The following SMYD4 variants were observed in gnomAD, a reference collection of about 807,000 sequenced individuals.
SMYD4 encodes SET and MYND domain containing 4.
In SMYD4, 68 loss-of-function variants were observed where a neutral mutation model predicts 72.8. The ratio of observed to expected loss-of-function variants is 0.93; its 90% CI spans 0.77 to 1.14. SMYD4 has a LOEUF of 1.14. SMYD4 is among the 50% of genes most tolerant of loss of function. The pLI is 0.00. For synonymous variants in SMYD4, 407 were observed against 388.6 expected (o/e 1.05, Z -0.56); for missense variants, 984 against 1,003.7 (o/e 0.98, Z 0.27).
At chr17:1,787,801 G>A (rs1361765899) in intron 5 of SMYD4, among the ~76,000 whole-genome samples, 197 bp from the exon 6 acceptor site, 1 of 152,106 alleles carries the variant, frequency 6.6e-6, no homozygotes, top group Non-Finnish European at 1.5e-5. Flanking sequence ...GTGGATGAAC[G>A]CACACAAAGT....
chr17:1,800,339 A>AG lies in SMYD4; in HGVS notation c.1054dup (p.Leu352ProfsTer10). The AG allele has an allele frequency of 1.2e-6, 2 of 1,614,192 alleles. No homozygotes were observed. Among genetic ancestry groups the AG allele is most frequent in the Non-Finnish European group, 1.7e-6 (2 of 1,180,030 alleles). ...AAATCCCACCAAAAGAGTCAACCTC[A>AG]GGGCAATGTGGCAAAAGACACCCAG... On this transcript the variant is annotated frameshift_variant, in exon 5 of 11. Transcript: ENST00000305513. LOFTEE classifies it high-confidence loss of function.
In SMYD4 at chr17:1,822,568, A is replaced by T. The variant is rs117220055; in HGVS notation, c.134+5293T>A. Among the ~76,000 whole-genome samples the T allele has an allele frequency of 2.2e-3, 342 of 152,272 alleles. 1 individual carries two copies. The highest frequency in any genetic ancestry group is 3.7e-3 in the Non-Finnish European group (251 of 68,016). ...AAGCTCTCCAATTCATTCTGAGGCT[A>T]CCATAACCCACCATGGTATCAGCTG... On this transcript the variant is annotated intron_variant, in intron 2 of 10. Transcript: ENST00000305513.
rs1180453381 is a variant in SMYD4 at position 1,800,999 on chromosome 17, G to C, written c.395C>G (p.Ala132Gly). The change falls in exon 5 of 11, where the codon GCA (alanine) becomes GGA (glycine). Residue 132 changes from alanine (A) to glycine (G), a missense_variant. Transcript: ENST00000305513. ...YETCLKDINR[A>G]QTHGYPERLQ... is the part of the protein sequence containing the mutation. ...CCTTTCTGGATACCCATGTGTCTGTGCTCTGTTAATGTCTTTAAGACACGT... is the reference window on the plus strand; with the variant it reads ...CCTTTCTGGATACCCATGTGTCTGTCCTCTGTTAATGTCTTTAAGACACGT... 1.9e-6 allele frequency: 3 copies of C among 1,612,316 alleles called. No homozygotes were observed. Among genetic ancestry groups the C allele is most frequent in the Non-Finnish European group, 2.5e-6 (3 of 1,178,568 alleles).
intron 5 of SMYD4, among the ~76,000 whole-genome samples, chr17:1,792,837 G>T (rs777993914): frequency 3.3e-5 from 5 of 152,104 alleles, no homozygotes; most frequent in Non-Finnish European, 7.4e-5. Context: ...TCACTTAAGT[G>T]TACGATTCAG....
At chr17:1,795,069 G>C (rs1478389695) in intron 5 of SMYD4, among the ~76,000 whole-genome samples, 1 of 152,138 alleles carries the variant, frequency 6.6e-6, no homozygotes, top group Non-Finnish European at 1.5e-5. Context: ...AAGTGAGACT[G>C]GTCTCTAGCT....
chr17:1,800,729 C>A lies in SMYD4; in HGVS notation c.665G>T (p.Arg222Met), dbSNP rs1909690024. 5.0e-6 allele frequency: 8 copies of A among 1,614,116 alleles called. No homozygotes were observed. Among genetic ancestry groups the A allele is most frequent in the African/African-American group, 1.3e-5 (1 of 74,946 alleles). Residue 222 changes from arginine to methionine, a missense_variant, in exon 5 of 11, where the codon AGG (arginine) becomes ATG (methionine). Arg to Met is a moderately conservative substitution (Grantham distance 91, BLOSUM62 -1). Transcript: ENST00000305513. Reference protein sequence around the residue: ...LAKTLEDAALREENEQLSNAS... With the variant: ...LAKTLEDAALMEENEQLSNAS... ...ATTGGAAAGTTGTTCATTCTCCTCC[C>A]TCAGCGCTGCATCCTCAAGGGTTTT...
At chr17:1,819,092 C>T (rs1910770789) in intron 2 of SMYD4, among the ~76,000 whole-genome samples, 1 of 151,990 alleles carries the variant, frequency 6.6e-6, no homozygotes, top group African/African-American at 2.4e-5. Context: ...TGTGGTGGCT[C>T]ACACCTGTAA....
chr17:1,796,675 T>G (rs542537450), intron 5 of SMYD4, among the ~76,000 whole-genome samples: 3 of 152,076 alleles, frequency 2.0e-5, no homozygotes, highest in East Asian at 3.9e-4. Flanking sequence ...GACCTCGAGA[T>G]CCGCCCGCCT....
At chr17:1,784,594 C>T (rs1337641746) in intron 7 of SMYD4, 133 bp from the exon 8 acceptor site, 9 of 1,474,762 alleles carry the variant, frequency 6.1e-6, no homozygotes, top group Middle Eastern at 5.0e-4. Flanking sequence ...TACATCGTGA[C>T]GAAAGTCTGA....
intron 5 of SMYD4, among the ~76,000 whole-genome samples, chr17:1,792,735 C>T (rs1311614398): frequency 6.6e-6 from 1 of 152,182 alleles, no homozygotes; most frequent in African/African-American, 2.4e-5. Context: ...AGAGAGTGAC[C>T]GTTTTTACTT....
chr17:1,786,668 T>TG, intron 7 of SMYD4, 142 bp downstream of exon 7: 1 of 903,754 alleles, frequency 1.1e-6, no homozygotes, highest in East Asian at 2.6e-5. Context: ...AACTAGTGTA[T>TG]GGGGATGACT....
In SMYD4 at chr17:1,780,988, C is replaced by T. The variant is rs958693039; in HGVS notation, c.*298G>A. On this transcript the variant is annotated 3_prime_UTR_variant, in exon 11 of 11. Coordinates refer to ENST00000305513, the MANE Select transcript of SMYD4 (RefSeq NM_052928.3). ...GGGCTGGAGTGCAGTGGAGCGATCT[C>T]GGCTCACTGCAACCTCCGCCTCCTG... 6.2e-5 allele frequency: 14 copies of T among 224,354 alleles called. No homozygotes were observed. The highest frequency in any genetic ancestry group is 9.7e-5 in the Non-Finnish European group (11 of 113,454). 13.9% of individuals were successfully genotyped at this position (224,354 alleles called of 1,614,324 possible). A position where few individuals can be genotyped will look rare whatever the true frequency, so the allele number is the denominator to read the frequency against.
chr17:1,805,698 G>C (rs1909993457), intron 3 of SMYD4, among the ~76,000 whole-genome samples: 1 of 151,748 alleles, frequency 6.6e-6, no homozygotes, highest in Admixed American at 6.6e-5. Context: ...TGTAATCCCA[G>C]TTACTCGGGT....
At chr17:1,824,422 C>T (rs1911052591) in intron 2 of SMYD4, among the ~76,000 whole-genome samples, 1 of 152,016 alleles carries the variant, frequency 6.6e-6, no homozygotes, top group Non-Finnish European at 1.5e-5. Flanking sequence ...GATCTAGAGC[C>T]TAGAAACAAA....
intron 2 of SMYD4, among the ~76,000 whole-genome samples, chr17:1,821,840 A>T (rs7502036): frequency 0.65 from 97,678 of 150,802 alleles, 33,312 homozygotes; most frequent in Non-Finnish European, 0.79. Flanking sequence ...CTGAGGCATG[A>T]GAATCGCTTG....
intron 6 of SMYD4, among the ~76,000 whole-genome samples, 155 bp from the exon 7 acceptor site, chr17:1,787,128 T>C (rs1384878152): frequency 6.6e-6 from 1 of 152,200 alleles, no homozygotes; most frequent in Non-Finnish European, 1.5e-5. Flanking sequence ...AAAATAAGCT[T>C]CCAAGTTGCT....
chr17:1,787,309 C>T, intron 6 of SMYD4, 113 bp downstream of exon 6: 3 of 1,372,956 alleles, frequency 2.2e-6, no homozygotes, highest in Admixed American at 2.0e-5. Flanking sequence ...ACTGCCTCTT[C>T]CAGGAAGCAG....
At chr17:1,809,564 A>T (rs1323870806) in intron 3 of SMYD4, among the ~76,000 whole-genome samples, 1 of 147,196 alleles carries the variant, frequency 6.8e-6, no homozygotes, top group African/African-American at 2.5e-5. Flanking sequence ...TTTAGTAGAG[A>T]CGGGGTTTCA....
At position 1,804,624 on chromosome 17, in the gene SMYD4, A is replaced by C; in HGVS notation, c.369+2T>G. ...TCTCATACCAGGTATCCTGATACTC[A>C]CCTCATACTGACCCAGGTGGAAGAG... On this transcript the variant is annotated splice_donor_variant, in intron 4 of 10. Coordinates refer to ENST00000305513, the MANE Select transcript of SMYD4 (RefSeq NM_052928.3). LOFTEE classifies it high-confidence loss of function. 1 of 1,613,226 alleles carries C rather than the reference A, an allele frequency of 6.2e-7. No individual in the cohort carries two copies.
Sources: allele counts gnomAD v4.1 joint callset (sites outside exome capture counted in the v4.1 genomes callset), GRCh38; gene constraint gnomAD v4.1.1; transcripts MANE v1.5; gene names NCBI Gene and HGNC (gene_info 2026-07-23, HGNC 2026-07-21).